The following SYN3 variants were observed in gnomAD, a reference collection of about 807,000 sequenced individuals.
SYN3 encodes synapsin III, also known as synapsin-3.
SYN3 carries 35 observed loss-of-function variants against 65.8 expected under a neutral mutation model. That is an observed-to-expected ratio of 0.53 (90% CI 0.41 to 0.70). The LOEUF (loss-of-function observed/expected upper bound fraction) is 0.70, where lower values mean the gene tolerates loss of function less well. Among genes scored for constraint, SYN3 ranks in the 30% least tolerant of loss-of-function variants. The probability of loss-of-function intolerance (pLI) is 0.00; values close to 1 mark genes in which losing one functional copy is unlikely to be tolerated. For missense variants in SYN3, 680 were observed against 749.0 expected, an observed-to-expected ratio of 0.91 and a Z score of 1.08; for synonymous variants, 270 against 292.9, an observed-to-expected ratio of 0.92 and a Z score of 0.80.
Position 32,531,148 on chromosome 22 carries a change from C to CAAA in SYN3, c.1096-2143_1096-2141dup, listed in dbSNP as rs59432094. The stretch of plus-strand genomic sequence containing the variant: ...CTGGCGACAGAATGAGACCCCGTCT[C>CAAA]AAAAAAAAAAAAAAAAAAAAAAAAA... On this transcript the variant is annotated intron_variant, in intron 10 of 13. Transcript: ENST00000358763. 3.6e-3 allele frequency among the ~76,000 whole-genome samples: 95 copies of CAAA among 26,158 alleles called. 3 individuals carry two copies. The highest frequency in any genetic ancestry group is 9.3e-3 in the African/African-American group (56 of 6,042). The allele number at this position is 26,158 out of a possible 152,430, so 17.2% of individuals were successfully genotyped here. A position where few individuals can be genotyped will look rare whatever the true frequency, so the allele number is the denominator to read the frequency against.
intron 6 of SYN3, among the ~76,000 whole-genome samples, chr22:32,616,137 C>A (rs73881763): frequency 0.037 from 5,694 of 152,258 alleles, 147 homozygotes; most frequent in African/African-American, 0.075. Context: ...ACTGAGTTTC[C>A]GTGTAGAAGC....
intron 5 of SYN3, among the ~76,000 whole-genome samples, chr22:32,865,850 G>T (rs376894455): frequency 6.6e-6 from 1 of 152,184 alleles, no homozygotes; most frequent in African/African-American, 2.4e-5. Context: ...GGAAGCATAG[G>T]GGGTGAAGGG....
chr22:32,754,896 C>T (rs2145678718), intron 6 of SYN3, among the ~76,000 whole-genome samples: 1 of 152,318 alleles, frequency 6.6e-6, no homozygotes, highest in South Asian at 2.1e-4. Context: ...CTATCTTAGT[C>T]ACTCTTCTCT....
At chr22:32,978,944 C>T (rs781338986) in intron 3 of SYN3, among the ~76,000 whole-genome samples, 1 of 151,924 alleles carries the variant, frequency 6.6e-6, no homozygotes, top group Non-Finnish European at 1.5e-5. Flanking sequence ...TTTAGGAGAC[C>T]AAGGCAGGTA....
At chr22:33,040,448 TC>T (rs2053943496) in intron 1 of SYN3, among the ~76,000 whole-genome samples, 1 of 152,204 alleles carries the variant, frequency 6.6e-6, no homozygotes, top group Non-Finnish European at 1.5e-5. Flanking sequence ...TCCACTGCTC[TC>T]CATGCATCCA....
intron 6 of SYN3, among the ~76,000 whole-genome samples, chr22:32,611,356 C>A (rs1273275496): frequency 1.4e-5 from 2 of 144,104 alleles, no homozygotes; most frequent in Middle Eastern, 3.5e-3. Context: ...TGCAATGGCA[C>A]CATCTCGGCT....
chr22:32,975,959 A>C (rs1296888757), intron 3 of SYN3, among the ~76,000 whole-genome samples: 1 of 152,236 alleles, frequency 6.6e-6, no homozygotes, highest in South Asian at 2.1e-4. Context: ...CTTTATGGTC[A>C]ATATCTACAG....
intron 2 of SYN3, among the ~76,000 whole-genome samples, chr22:33,004,343 A>G (rs1368104080): frequency 6.6e-6 from 1 of 152,250 alleles, no homozygotes; most frequent in Non-Finnish European, 1.5e-5. Context: ...ATCAGCTGGG[A>G]GGGGAAGCTG....
At chr22:33,006,054 T>C (rs890011652) in intron 2 of SYN3, among the ~76,000 whole-genome samples, 1 of 152,232 alleles carries the variant, frequency 6.6e-6, no homozygotes, top group Non-Finnish European at 1.5e-5. Flanking sequence ...TAGGCTTTGC[T>C]ACCAAAAGAA....
At chr22:32,531,693 T>C (rs1183922403) in intron 10 of SYN3, among the ~76,000 whole-genome samples, 1 of 151,918 alleles carries the variant, frequency 6.6e-6, no homozygotes, top group Non-Finnish European at 1.5e-5. Flanking sequence ...CTTTTTTTTT[T>C]TCCCTTACTG....
At chr22:32,860,652 T>G (rs1477765223) in intron 6 of SYN3, 1 of 152,604 alleles carries the variant, frequency 6.6e-6, no homozygotes, top group Non-Finnish European at 1.5e-5. Flanking sequence ...TTGGGGGCCT[T>G]TCTTTAACTG....
At chr22:32,608,941 C>T (rs1180339371) in intron 6 of SYN3, among the ~76,000 whole-genome samples, 1 of 152,120 alleles carries the variant, frequency 6.6e-6, no homozygotes, top group African/African-American at 2.4e-5. Flanking sequence ...ACAGTGATAG[C>T]CATTGCTCTT....
At chr22:32,828,022 G>A (rs1003930386) in intron 6 of SYN3, among the ~76,000 whole-genome samples, 1 of 152,106 alleles carries the variant, frequency 6.6e-6, no homozygotes, top group Admixed American at 6.5e-5. Context: ...ATCATATTGG[G>A]TATTTGTCTT....
chr22:32,705,383 C>T (rs1336681048), intron 6 of SYN3, among the ~76,000 whole-genome samples: 2 of 152,066 alleles, frequency 1.3e-5, no homozygotes, highest in Admixed American at 1.3e-4. Context: ...GACTTTATTT[C>T]TTGTCTCTCT....
At position 32,914,949 on chromosome 22, in the gene SYN3, T is replaced by C. The variant is rs1015288011; in HGVS notation, c.461+16441A>G. On this transcript the variant is annotated intron_variant, in intron 4 of 13. Transcript: ENST00000358763. ...TTCTCATATAACCAGGTGCTGCAGC[T>C]GGTGGCTGCAAATATGAAAGCAACT... Among the ~76,000 whole-genome samples the C allele has an allele frequency of 3.9e-5, 6 of 152,274 alleles. 1 individual carries two copies. The highest frequency in any genetic ancestry group is 1.9e-4 in the East Asian group (1 of 5,172).
At chr22:32,516,849 AG>A (rs1462115557) in intron 13 of SYN3, among the ~76,000 whole-genome samples, 66 of 152,220 alleles carry the variant, frequency 4.3e-4, no homozygotes, top group Non-Finnish European at 7.8e-4. Flanking sequence ...GATAAGAAAT[AG>A]TTATTAACTC....
intron 5 of SYN3, 141 bp from the exon 6 acceptor site, chr22:32,865,145 A>G: frequency 1.5e-6 from 1 of 660,798 alleles, no homozygotes; most frequent in Non-Finnish European, 2.7e-6. Flanking sequence ...TATAGGATAA[A>G]GACCAGATTC....
intron 6 of SYN3, among the ~76,000 whole-genome samples, chr22:32,632,028 G>A (rs1355567878): frequency 6.8e-6 from 1 of 147,124 alleles, no homozygotes; most frequent in South Asian, 2.1e-4. Flanking sequence ...TTTACTAGGC[G>A]CCGGAGGGAT....
Position 32,801,920 on chromosome 22 carries a change from G to A in SYN3, c.711+62995C>T. ...ACGGCCCGGCGGGCGAGCGAGCTCG[G>A]GCTGCAGCAGCCCCGCCGGCGGCGC... On this transcript the variant is annotated intron_variant, in intron 6 of 13. Coordinates refer to ENST00000358763, the MANE Select transcript of SYN3 (RefSeq NM_003490.4). The surrounding 1 kb of genome is among the most constrained non-coding windows in gnomAD (Gnocchi z 4.7). 6.7e-7 allele frequency: 1 copy of A among 1,486,972 alleles called. No individual in the cohort carries two copies. The highest frequency in any genetic ancestry group is 8.9e-7 in the Non-Finnish European group (1 of 1,124,198). The allele number at this position is 1,486,972 out of a possible 1,614,324, so 92.1% of individuals were successfully genotyped here.
Sources: gnomAD v4.1 joint callset for allele counts (sites outside exome capture counted in the v4.1 genomes callset) on GRCh38, gnomAD v4.1.1 for gene constraint, Gnocchi (gnomAD v3.1) non-coding constraint, MANE v1.5 for transcripts, NCBI Gene and HGNC (gene_info 2026-07-23, HGNC 2026-07-21) for gene names.